The following COL4A6 variants were observed in gnomAD, a reference collection of about 807,000 sequenced individuals.
The protein encoded by COL4A6 is collagen alpha-6(IV) chain.
COL4A6 carries 59 observed loss-of-function variants against 126.7 expected under a neutral mutation model. The observed-to-expected ratio is 0.47, with a 90% CI of 0.38 to 0.58. The LOEUF is 0.58. Ranked by LOEUF, COL4A6 falls within the 20% of genes least tolerant of loss-of-function variation. The pLI is 0.00. For missense variants in COL4A6, 1,285 were observed against 1,337.3 expected (o/e 0.96, Z 0.61); for synonymous variants, 547 against 496.6 (o/e 1.10, Z -1.35).
At chrX:108,299,032 G>T (rs768399263) in intron 3 of COL4A6, among the ~76,000 whole-genome samples, 35 of 111,075 alleles carry the variant, frequency 3.2e-4, no homozygotes, top group African/African-American at 1.1e-3. Context: ...CCCACGTTAG[G>T]CATCTTGGGA....
At chrX:108,300,647 C>T (rs2038462667) in intron 3 of COL4A6, among the ~76,000 whole-genome samples, 1 of 108,728 alleles carries the variant, frequency 9.2e-6, no homozygotes, top group African/African-American at 3.4e-5. Context: ...CAGACCATAC[C>T]AGTCTATCCA....
intron 37 of COL4A6, among the ~76,000 whole-genome samples, chrX:108,166,899 T>G (rs1451372660): frequency 1.8e-5 from 2 of 111,698 alleles, no homozygotes; most frequent in Non-Finnish European, 3.8e-5. Flanking sequence ...AGCATATATA[T>G]GTATAGCTTA....
At chrX:108,342,408 A>C (rs773671364) in intron 2 of COL4A6, among the ~76,000 whole-genome samples, 2 of 111,702 alleles carry the variant, frequency 1.8e-5, no homozygotes, top group East Asian at 5.6e-4. Flanking sequence ...TAAATGATAT[A>C]TCCCTACTAC....
At chrX:108,251,097 G>T (rs1021750361) in intron 3 of COL4A6, among the ~76,000 whole-genome samples, 2 of 111,281 alleles carry the variant, frequency 1.8e-5, no homozygotes, top group African/African-American at 6.5e-5. Flanking sequence ...AATGCACAGA[G>T]CTAAGTCTAA....
At chrX:108,376,987 A>C (rs922678727) in intron 2 of COL4A6, among the ~76,000 whole-genome samples, 2 of 112,665 alleles carry the variant, frequency 1.8e-5, no homozygotes, top group African/African-American at 6.4e-5. Context: ...CCAGGGGACC[A>C]GCGTTCAGCA....
chrX:108,348,163 G>A (rs778736340), intron 2 of COL4A6, among the ~76,000 whole-genome samples: 1 of 111,986 alleles, frequency 8.9e-6, no homozygotes, highest in South Asian at 3.8e-4. Flanking sequence ...GGTCTTTTTA[G>A]TCCCATCTGT....
intron 2 of COL4A6, among the ~76,000 whole-genome samples, chrX:108,401,043 G>A (rs1391775033): frequency 2.7e-5 from 3 of 110,952 alleles, no homozygotes; most frequent in Non-Finnish European, 3.8e-5. Flanking sequence ...TATTATACCC[G>A]ATGTATATTG....
intron 2 of COL4A6, among the ~76,000 whole-genome samples, chrX:108,350,368 G>T (rs1194419761): frequency 1.8e-5 from 2 of 110,850 alleles, no homozygotes; most frequent in Non-Finnish European, 3.8e-5. Context: ...TCAAAATCTG[G>T]TTCTCAAACC....
Position 108,156,404 on chromosome X carries a change from T to TG in COL4A6, c.*595dup, listed in dbSNP as rs2033738862. On this transcript the variant is annotated 3_prime_UTR_variant, in exon 45 of 45. Coordinates refer to ENST00000334504, the MANE Select transcript of COL4A6 (RefSeq NM_033641.4). ...GGCCTTCAAGCCTCTCTAAGCCATG[T>TG]GGGGCCCAGTCTTGCTCATTCTAGA... 1 of 112,116 alleles carries TG rather than the reference T, an allele frequency of 8.9e-6. No individual in the cohort carries two copies. 9.2% of individuals were successfully genotyped at this position (112,116 alleles called of 1,213,427 possible).
At chrX:108,439,345 CTTA>C (rs1394169203), upstream of COL4A6, 2 of 786,865 alleles carry the variant, frequency 2.5e-6, no homozygotes, top group African/African-American at 2.1e-5. Flanking sequence ...CGCACATATA[CTTA>C]TTTTCTTACT....
At chrX:108,414,666 C>T (rs2041400971) in intron 2 of COL4A6, among the ~76,000 whole-genome samples, 2 of 107,956 alleles carry the variant, frequency 1.9e-5, no homozygotes, top group African/African-American at 6.8e-5. Context: ...GGGGTGCACA[C>T]CTGTAGACCT....
Position 108,175,711 on chromosome X carries a change from G to A in COL4A6, c.2773C>T (p.Pro925Ser). ...IPGTRGLKGI[P>S]GSTGKMGPSG... ...GGTCCCATTTTTCCAGTTGATCCTG[G>A]AATTCCTTTTAATCCTCTTGTTCCA... The change falls in exon 29 of 45, where the codon CCA becomes TCA. Residue 925 changes from proline (P) to serine (S), a missense_variant. By Grantham distance (74) the Pro-to-Ser change is moderately conservative (BLOSUM62 -1). Transcript: ENST00000334504. 1 of 1,202,220 alleles carries A rather than the reference G, an allele frequency of 8.3e-7. No homozygotes were observed. Among genetic ancestry groups the A allele is most frequent in the Non-Finnish European group, 1.1e-6 (1 of 887,782 alleles).
At chrX:108,378,017 G>A (rs1230434054) in intron 2 of COL4A6, among the ~76,000 whole-genome samples, 1 of 97,022 alleles carries the variant, frequency 1.0e-5, no homozygotes, top group African/African-American at 3.9e-5. Flanking sequence ...ACAATATTCA[G>A]AAATTAAAGT....
At chrX:108,190,088 G>T (rs982183819) in intron 20 of COL4A6, among the ~76,000 whole-genome samples, 3 of 112,051 alleles carry the variant, frequency 2.7e-5, no homozygotes, top group Non-Finnish European at 5.6e-5. Context: ...AAGGTAATAA[G>T]TGGCTTACAT....
chrX:108,161,322 G>A (rs1028956488), intron 42 of COL4A6, among the ~76,000 whole-genome samples: 1 of 111,726 alleles, frequency 9.0e-6, no homozygotes, highest in Non-Finnish European at 1.9e-5. Flanking sequence ...GAGGTAAAGG[G>A]CAGGGGGCCA....
chrX:108,194,879 G>A (rs778858814), intron 15 of COL4A6, among the ~76,000 whole-genome samples: 31 of 111,709 alleles, frequency 2.8e-4, no homozygotes, highest in Non-Finnish European at 4.7e-4. Context: ...AGCATGGCAT[G>A]GCAAGGCACG....
At chrX:108,300,878 C>G (rs182366685) in intron 3 of COL4A6, among the ~76,000 whole-genome samples, 2 of 111,575 alleles carry the variant, frequency 1.8e-5, no homozygotes, top group African/African-American at 6.5e-5. Context: ...CCTCACAAAA[C>G]ACAATGAGAT....
At chrX:108,353,769 A>G (rs769601595) in intron 2 of COL4A6, among the ~76,000 whole-genome samples, 2 of 112,476 alleles carry the variant, frequency 1.8e-5, no homozygotes, top group Non-Finnish European at 3.8e-5. Context: ...AAAGTAAGCT[A>G]GAAAGATAGA....
chrX:108,402,809 C>T (rs1183605408), intron 2 of COL4A6, among the ~76,000 whole-genome samples: 4 of 110,776 alleles, frequency 3.6e-5, no homozygotes, highest in Admixed American at 9.7e-5. Flanking sequence ...ATGTTCTAGA[C>T]GTATGGATTT....
Sources: gnomAD v4.1 joint callset for allele counts (sites outside exome capture counted in the v4.1 genomes callset) on GRCh38, gnomAD v4.1.1 for gene constraint, MANE v1.5 for transcripts, NCBI Gene and HGNC (gene_info 2026-07-23, HGNC 2026-07-21) for gene names.